TNKS: variants seen among roughly 807,000 people sequenced by gnomAD.
The protein encoded by TNKS is tankyrase.
TNKS carries 72 observed loss-of-function variants against 135.8 expected under a neutral mutation model. The observed-to-expected ratio is 0.53, with a 90% CI of 0.44 to 0.64. The LOEUF is 0.64. Among genes scored for constraint, TNKS ranks in the 30% least tolerant of loss-of-function variants. The pLI is 0.00. For synonymous variants in TNKS, 849 were observed against 649.3 expected, an observed-to-expected ratio of 1.31 and a Z score of -4.68; for missense variants, 1,769 against 1,674.0, an observed-to-expected ratio of 1.06 and a Z score of -0.99.
intron 1 of TNKS, among the ~76,000 whole-genome samples, chr8:9,564,187 G>T (rs1001821514): frequency 6.6e-6 from 1 of 152,120 alleles, no homozygotes; most frequent in Non-Finnish European, 1.5e-5. Context: ...TTACTATTTA[G>T]TCTTTTTGGT....
intron 3 of TNKS, among the ~76,000 whole-genome samples, chr8:9,655,218 C>T (rs1801308319): frequency 2.6e-5 from 4 of 152,300 alleles, no homozygotes; most frequent in Admixed American, 1.3e-4. Context: ...ATTGCCCAGG[C>T]TTGAGTAGGT....
At position 9,782,114 on chromosome 8, in the gene TNKS, C is replaced by G. The variant is rs1808480176; in HGVS notation, c.*5378C>G. ...AGCTGTGGTCATGGGAAATCACCTA[C>G]AGCATGTTAAAGTCCTCTAGTCATC... On this transcript the variant is annotated 3_prime_UTR_variant, in exon 27 of 27. Coordinates refer to ENST00000310430, the MANE Select transcript of TNKS (RefSeq NM_003747.3). 1 of 152,460 alleles carries G rather than the reference C, an allele frequency of 6.6e-6. No homozygotes were observed. Among genetic ancestry groups the G allele is most frequent in the Admixed American group, 6.5e-5 (1 of 15,272 alleles). The allele number at this position is 152,460 out of a possible 1,614,324, so 9.4% of individuals were successfully genotyped here.
chr8:9,593,634 C>T (rs1448775138), intron 2 of TNKS, among the ~76,000 whole-genome samples: 5 of 152,168 alleles, frequency 3.3e-5, no homozygotes, highest in Admixed American at 3.3e-4. Context: ...AGTAATACCT[C>T]TCTGTTAATT....
chr8:9,568,619 C>T (rs1277594617), intron 1 of TNKS, among the ~76,000 whole-genome samples: 2 of 152,174 alleles, frequency 1.3e-5, no homozygotes, highest in African/African-American at 4.8e-5. Context: ...TTATTTTACA[C>T]TTTGCAAGTC....
intron 5 of TNKS, among the ~76,000 whole-genome samples, chr8:9,692,182 G>C (rs1413912790): frequency 6.6e-6 from 1 of 152,068 alleles, no homozygotes; most frequent in Non-Finnish European, 1.5e-5. Flanking sequence ...AATACCCAAC[G>C]GGTAGCCATC....
rs1330163600 is a variant in TNKS, at chr8:9,633,451, A to C, written c.994+17774A>C. Among the ~76,000 whole-genome samples the C allele has an allele frequency of 2.0e-5, 3 of 152,218 alleles. No individual in the cohort carries two copies. In the East Asian group the frequency reaches 5.8e-4, roughly 29 times the overall value. On this transcript the variant is annotated intron_variant, in intron 3 of 26. Coordinates refer to ENST00000310430, the MANE Select transcript of TNKS (RefSeq NM_003747.3). ...TAAGATACATTGTTTAGTGAAACAA[A>C]GTACAAAAGATTGTTTACAATATGC...
At chr8:9,589,364 A>C (rs1243863182) in intron 2 of TNKS, among the ~76,000 whole-genome samples, 1 of 152,244 alleles carries the variant, frequency 6.6e-6, no homozygotes, top group East Asian at 1.9e-4. Context: ...TAAATATTTG[A>C]AGTTATAGTA....
intron 1 of TNKS, chr8:9,575,002 C>T (rs1164250518): frequency 2.0e-6 from 2 of 982,872 alleles, no homozygotes; most frequent in Non-Finnish European, 2.4e-6. Flanking sequence ...TTCTAAGGAG[C>T]TCCTAATACC....
rs79570867 is a variant in TNKS at position 9,606,596 on chromosome 8, G to C, written c.899-8986G>C. ...AGACCATACTTTCCTTTAATTCTTGGAATTTATTTTCTTTAAGTCTTTGAA... is the reference window on the plus strand; with the variant it reads ...AGACCATACTTTCCTTTAATTCTTGCAATTTATTTTCTTTAAGTCTTTGAA... On this transcript the variant is annotated intron_variant, in intron 2 of 26. Coordinates refer to ENST00000310430, the MANE Select transcript of TNKS (RefSeq NM_003747.3). 9.5e-3 allele frequency among the ~76,000 whole-genome samples: 1,444 copies of C among 151,994 alleles called. 19 individuals are homozygous for C. Among genetic ancestry groups the C allele is most frequent in the African/African-American group, 0.033 (1,363 of 41,460 alleles).
rs35555078 is a variant in TNKS at position 9,667,839 on chromosome 8, G to GT, written c.995-12095dup. On this transcript the variant is annotated intron_variant, in intron 3 of 26. Coordinates refer to ENST00000310430, the MANE Select transcript of TNKS (RefSeq NM_003747.3). Reference sequence around the variant, plus strand: ...TCCTTTCTCATTTAAGCCCTTCTGGGTTTTTTTTTTTTTTTTTGAGTCTCA... The same window carrying GT: ...TCCTTTCTCATTTAAGCCCTTCTGGGTTTTTTTTTTTTTTTTTTGAGTCTCA... 4.2e-3 allele frequency among the ~76,000 whole-genome samples: 538 copies of GT among 127,486 alleles called. 3 individuals carry two copies. Among genetic ancestry groups the GT allele is most frequent in the East Asian group, 0.014 (64 of 4,590 alleles). The allele number at this position is 127,486 out of a possible 152,430, so 83.6% of individuals were successfully genotyped here.
At chr8:9,764,581 A>T in intron 22 of TNKS, 135 bp from the exon 23 acceptor site, 1 of 505,964 alleles carries the variant, frequency 2.0e-6, no homozygotes, top group Non-Finnish European at 3.3e-6. Flanking sequence ...TCTCACCAAA[A>T]ATACTTATCC....
At chr8:9,565,809 A>G (rs1481363984) in intron 1 of TNKS, among the ~76,000 whole-genome samples, 1 of 152,170 alleles carries the variant, frequency 6.6e-6, no homozygotes, top group Non-Finnish European at 1.5e-5. Flanking sequence ...GTGAGCCGAG[A>G]TCACGCCACT....
chr8:9,741,847 C>A, intron 17 of TNKS: 1 of 308,756 alleles, frequency 3.2e-6, no homozygotes. Context: ...GGTCTCCTGA[C>A]CGGAAGTCCA....
intron 3 of TNKS, among the ~76,000 whole-genome samples, chr8:9,629,138 T>G (rs1312595257): frequency 2.0e-5 from 3 of 152,256 alleles, no homozygotes; most frequent in Admixed American, 6.5e-5. Context: ...TGTTTGTTTC[T>G]GGCCTGCAAT....
chr8:9,556,768 G>T, intron 1 of TNKS, 156 bp downstream of exon 1: 1 of 781,574 alleles, frequency 1.3e-6, no homozygotes, highest in Non-Finnish European at 2.0e-6. Flanking sequence ...TCTTTTGGTG[G>T]TGCCTGGGTG....
intron 3 of TNKS, among the ~76,000 whole-genome samples, chr8:9,659,835 G>A (rs971829673): frequency 3.9e-5 from 6 of 152,078 alleles, no homozygotes; most frequent in Admixed American, 3.9e-4. Flanking sequence ...TTGATAAACC[G>A]CTAGCGAGAC....
chr8:9,662,609 G>A lies in TNKS; in HGVS notation c.995-17342G>A, dbSNP rs1469097208. ...GGGGACAGTTGTGTGGTGGGGATAG[G>A]GGGAAGGGATAGCATTAGGAGATAC... On this transcript the variant is annotated intron_variant, in intron 3 of 26. Transcript: ENST00000310430. 2.6e-5 allele frequency among the ~76,000 whole-genome samples: 4 copies of A among 152,140 alleles called. No individual in the cohort carries two copies. In the East Asian group the frequency reaches 5.8e-4, roughly 22 times the overall value.
intron 5 of TNKS, among the ~76,000 whole-genome samples, chr8:9,686,499 T>G (rs1452120256): frequency 6.6e-6 from 1 of 152,164 alleles, no homozygotes; most frequent in East Asian, 1.9e-4. Context: ...AAATACCTGA[T>G]TAAAAGAAAA....
intron 2 of TNKS, among the ~76,000 whole-genome samples, chr8:9,610,506 C>T (rs867141654): frequency 2.1e-4 from 32 of 152,076 alleles, no homozygotes; most frequent in African/African-American, 7.0e-4. Flanking sequence ...TCTTAAAGCT[C>T]ATGTGTATTG....
Sources: gnomAD v4.1 joint callset for allele counts (sites outside exome capture counted in the v4.1 genomes callset) on GRCh38, gnomAD v4.1.1 for gene constraint, MANE v1.5 for transcripts, NCBI Gene and HGNC (gene_info 2026-07-23, HGNC 2026-07-21) for gene names.